The following PSMG2 variants were observed in gnomAD, a reference collection of about 807,000 sequenced individuals.
PSMG2 encodes CD40 ligand-activated specific transcript 3.
PSMG2 carries 21 observed loss-of-function variants against 31.5 expected under a neutral mutation model. The observed-to-expected ratio is 0.67, with a 90% CI of 0.47 to 0.96. The LOEUF (loss-of-function observed/expected upper bound fraction) is 0.96. PSMG2 is among the 40% of genes least tolerant of loss of function. The pLI is 0.00. For synonymous variants in PSMG2, 120 were observed against 110.4 expected (o/e 1.09, Z -0.54); for missense variants, 318 against 321.2 (o/e 0.99, Z 0.08).
At chr18:12,703,689 T>A (rs1005427297) in intron 1 of PSMG2, among the ~76,000 whole-genome samples, 2 of 152,146 alleles carry the variant, frequency 1.3e-5, no homozygotes, top group African/African-American at 4.8e-5. Flanking sequence ...ACACTGTAGT[T>A]GGAAACATGT....
intron 3 of PSMG2, among the ~76,000 whole-genome samples, chr18:12,718,012 C>CTTTTTTTTTTTTTT (rs71174131): frequency 7.3e-6 from 1 of 136,468 alleles, no homozygotes; most frequent in African/African-American, 2.7e-5. Flanking sequence ...TTTCTTTTTT[C>CTTTTTTTTTTTTTT]TTTTTTTTTT....
chr18:12,723,702 C>A (rs1319676219), intron 5 of PSMG2, among the ~76,000 whole-genome samples: 1 of 152,160 alleles, frequency 6.6e-6, no homozygotes, highest in African/African-American at 2.4e-5. Context: ...TGTATTCAAT[C>A]TCTTTAAACC....
intron 1 of PSMG2, chr18:12,697,454 T>C (rs755434135): frequency 2.4e-6 from 3 of 1,265,028 alleles, no homozygotes; most frequent in Non-Finnish European, 3.3e-6. Flanking sequence ...ACATATTCAG[T>C]TAGGCCAACA....
chr18:12,706,264 A>T (rs1195233931), intron 1 of PSMG2, among the ~76,000 whole-genome samples: 1 of 152,180 alleles, frequency 6.6e-6, no homozygotes, highest in Non-Finnish European at 1.5e-5. Context: ...AGGTCGGTGG[A>T]TCACCTGAGG....
chr18:12,674,844 C>A, intron 1 of PSMG2: 1 of 672,648 alleles, frequency 1.5e-6, no homozygotes. Context: ...TAATGTATAC[C>A]AAGAAAAGAT....
chr18:12,714,493 T>C (rs1282330160), intron 3 of PSMG2, among the ~76,000 whole-genome samples: 1 of 151,996 alleles, frequency 6.6e-6, no homozygotes, highest in African/African-American at 2.4e-5. Flanking sequence ...CTTCCTTTTT[T>C]TTTTTTTTTT....
intron 1 of PSMG2, among the ~76,000 whole-genome samples, chr18:12,681,669 ATAATT>A (rs1161684565): frequency 6.6e-6 from 1 of 152,182 alleles, no homozygotes; most frequent in African/African-American, 2.4e-5. Flanking sequence ...TCTATATGTG[ATAATT>A]TCAAGAAAAT....
At chr18:12,669,554 T>C (rs905900110) in intron 1 of PSMG2, among the ~76,000 whole-genome samples, 6 of 152,156 alleles carry the variant, frequency 3.9e-5, no homozygotes, top group South Asian at 2.1e-4. Flanking sequence ...AATAGACATA[T>C]ATAAAACTAC....
intron 1 of PSMG2, among the ~76,000 whole-genome samples, chr18:12,694,684 C>A (rs1441074372): frequency 1.3e-5 from 2 of 151,826 alleles, no homozygotes; most frequent in African/African-American, 4.8e-5. Context: ...ACTCTTTGAT[C>A]TTCTTCAGCT....
At chr18:12,719,217 C>G (rs1012992318) in intron 4 of PSMG2, among the ~76,000 whole-genome samples, 17 of 151,856 alleles carry the variant, frequency 1.1e-4, no homozygotes, top group Non-Finnish European at 1.8e-4. Flanking sequence ...TGGCCACATG[C>G]AACCATTCGT....
intron 1 of PSMG2, among the ~76,000 whole-genome samples, chr18:12,696,441 T>C (rs1033954000): frequency 6.6e-6 from 1 of 152,070 alleles, no homozygotes; most frequent in African/African-American, 2.4e-5. Context: ...AGGCGGGGGT[T>C]GCAGTGAGCC....
intron 2 of PSMG2, among the ~76,000 whole-genome samples, chr18:12,710,875 G>A (rs2040323052): frequency 6.6e-6 from 1 of 152,130 alleles, no homozygotes; most frequent in Non-Finnish European, 1.5e-5. Context: ...CAAGACGGGT[G>A]GATTGCCTGA....
chr18:12,715,111 C>T lies in PSMG2; in HGVS notation c.288+2351C>T, dbSNP rs567544980. 2.5e-3 allele frequency among the ~76,000 whole-genome samples: 386 copies of T among 151,484 alleles called. 1 individual carries two copies. The highest frequency in any genetic ancestry group is 9.0e-3 in the African/African-American group (370 of 41,262). ...GCAACCTCTGCCTGCTGGGTTCAAG[C>T]GATTCTCCTGCCTCAGCCTCCTGAG... On this transcript the variant is annotated intron_variant, in intron 3 of 6. Coordinates refer to ENST00000317615, the MANE Select transcript of PSMG2 (RefSeq NM_020232.5).
At chr18:12,681,776 TC>T (rs1341065872) in intron 1 of PSMG2, among the ~76,000 whole-genome samples, 4 of 152,160 alleles carry the variant, frequency 2.6e-5, no homozygotes, top group Non-Finnish European at 1.5e-5. Context: ...CCACTCTTTT[TC>T]CAGATTTTCT....
At chr18:12,662,721 G>A (rs928070595) in intron 1 of PSMG2, among the ~76,000 whole-genome samples, 1 of 152,188 alleles carries the variant, frequency 6.6e-6, no homozygotes, top group African/African-American at 2.4e-5. Context: ...AGGCTGCAGT[G>A]AGCCGAGATC....
chr18:12,698,871 T>G (rs1261222393), upstream of PSMG2: 15 of 750,428 alleles, frequency 2.0e-5, no homozygotes, highest in Non-Finnish European at 2.6e-5. Flanking sequence ...AAAATAGAGA[T>G]TCCTCCATTA....
intron 1 of PSMG2, among the ~76,000 whole-genome samples, chr18:12,664,698 CT>C (rs76222169): frequency 4.8e-3 from 654 of 137,508 alleles, no homozygotes; most frequent in Middle Eastern, 0.024. Flanking sequence ...TTGTCCTGAT[CT>C]TTTTTTTTTT....
chr18:12,700,874 G>T (rs1358308935), upstream of PSMG2: 2 of 1,114,324 alleles, frequency 1.8e-6, no homozygotes, highest in Non-Finnish European at 2.6e-6. Flanking sequence ...AAAACGAAAG[G>T]CCCCACATCG....
At chr18:12,723,427 G>A (rs1048138624) in intron 5 of PSMG2, among the ~76,000 whole-genome samples, 7 of 151,980 alleles carry the variant, frequency 4.6e-5, no homozygotes, top group African/African-American at 1.7e-4. Context: ...ACTAGATATA[G>A]AACTTTGGGC....
Sources: allele counts gnomAD v4.1 joint callset (sites outside exome capture counted in the v4.1 genomes callset), GRCh38; gene constraint gnomAD v4.1.1; transcripts MANE v1.5; gene names NCBI Gene and HGNC (gene_info 2026-07-23, HGNC 2026-07-21).